The following TTC23 variants were observed in gnomAD, a reference collection of about 807,000 sequenced individuals.
TTC23 encodes the protein tetratricopeptide repeat domain 23, also known as tetratricopeptide repeat protein 23.
In TTC23, 58 loss-of-function variants were observed where a neutral mutation model predicts 55.1. The ratio of observed to expected loss-of-function variants is 1.05; its 90% CI spans 0.85 to 1.31. The LOEUF is 1.31. Ranked by LOEUF, TTC23 falls within the 50% of genes most tolerant of loss-of-function variation. TTC23 has a pLI of 0.00. For missense variants in TTC23, 516 were observed against 534.4 expected (o/e 0.97, Z 0.34); for synonymous variants, 203 against 199.9 (o/e 1.02, Z -0.13).
At chr15:99,166,229 C>G (rs1476576994) in intron 10 of TTC23, among the ~76,000 whole-genome samples, 2 of 152,194 alleles carry the variant, frequency 1.3e-5, no homozygotes, top group African/African-American at 4.8e-5. Flanking sequence ...ACAGCCGCAC[C>G]TCACATCTTT....
intron 5 of TTC23, among the ~76,000 whole-genome samples, chr15:99,228,069 C>A (rs188397125): frequency 6.6e-6 from 1 of 152,354 alleles, no homozygotes; most frequent in Non-Finnish European, 1.5e-5. Flanking sequence ...TACATTGCAC[C>A]TGGCACATAT....
In TTC23 at chr15:99,139,336, C is replaced by T; in HGVS notation, c.1207G>A (p.Ala403Thr). ...ACTCACGTGGACAGCATGCCCATGG[C>T]CTGCTGGGTGGCCAGAGTCCTTTTG... ...QDKRTLATQQ[A>T]MGMLSTAPKV... The change falls in exon 13 of 14, where the codon GCC (alanine) becomes ACC (threonine). Residue 403 changes from alanine to threonine, a missense_variant. By Grantham distance (58) the Ala-to-Thr change is moderately conservative (BLOSUM62 0). Transcript: ENST00000394132. 1 of 1,613,474 alleles carries T rather than the reference C, an allele frequency of 6.2e-7. No homozygotes were observed. Among genetic ancestry groups the T allele is most frequent in the Non-Finnish European group, 8.5e-7 (1 of 1,180,004 alleles).
intron 10 of TTC23, among the ~76,000 whole-genome samples, chr15:99,166,210 C>T (rs1393773635): frequency 6.6e-6 from 1 of 152,332 alleles, no homozygotes; most frequent in Non-Finnish European, 1.5e-5. Flanking sequence ...CTCCCTGGCA[C>T]GGGTGGACAC....
intron 10 of TTC23, among the ~76,000 whole-genome samples, chr15:99,164,003 T>G: frequency 6.6e-6 from 1 of 152,162 alleles, no homozygotes; most frequent in East Asian, 1.9e-4. Flanking sequence ...GTTCCAGGTG[T>G]GGAATTAAGG....
intron 9 of TTC23, among the ~76,000 whole-genome samples, chr15:99,198,188 C>T (rs539540653): frequency 6.6e-6 from 1 of 152,250 alleles, no homozygotes; most frequent in Admixed American, 6.5e-5. Flanking sequence ...TATCTAACTG[C>T]CTATTGTCAT....
At chr15:99,174,717 A>G (rs528528415) in intron 10 of TTC23, among the ~76,000 whole-genome samples, 12 of 152,172 alleles carry the variant, frequency 7.9e-5, no homozygotes, top group Non-Finnish European at 5.9e-5. Context: ...CTGTTGCCAC[A>G]ACAATCTTTA....
At chr15:99,149,370 G>C (rs2069400226) in intron 12 of TTC23, among the ~76,000 whole-genome samples, 1 of 152,216 alleles carries the variant, frequency 6.6e-6, no homozygotes, top group Non-Finnish European at 1.5e-5. Flanking sequence ...TTGTTTTCAG[G>C]ACTGATGGTA....
intron 8 of TTC23, among the ~76,000 whole-genome samples, chr15:99,214,439 T>C (rs1487804071): frequency 1.5e-5 from 2 of 136,456 alleles, no homozygotes; most frequent in South Asian, 2.2e-4. Context: ...CCCGGGAAGG[T>C]AGAACTTGCA....
chr15:99,145,306 G>A (rs1332435019), intron 12 of TTC23: 4 of 152,240 alleles, frequency 2.6e-5, no homozygotes, highest in Non-Finnish European at 5.9e-5. Flanking sequence ...CTCTCAGGGG[G>A]CTTCTAATGG....
At chr15:99,185,657 A>G (rs1411648074) in intron 9 of TTC23, among the ~76,000 whole-genome samples, 1 of 152,166 alleles carries the variant, frequency 6.6e-6, no homozygotes, top group African/African-American at 2.4e-5. Flanking sequence ...TCACTCACAT[A>G]AGTAGAACCC....
intron 10 of TTC23, among the ~76,000 whole-genome samples, chr15:99,169,682 G>A (rs964475476): frequency 6.6e-6 from 1 of 152,186 alleles, no homozygotes; most frequent in African/African-American, 2.4e-5. Flanking sequence ...TAAAAAAGAG[G>A]AGACCTGGGT....
chr15:99,139,478 A>C, intron 12 of TTC23, 79 bp from the exon 13 acceptor site: 2 of 1,595,372 alleles, frequency 1.3e-6, no homozygotes, highest in South Asian at 2.3e-5. Context: ...CTTGAATGAG[A>C]GAAAGATGAC....
intron 3 of TTC23, among the ~76,000 whole-genome samples, chr15:99,240,544 T>C (rs748745864): frequency 3.9e-5 from 6 of 152,218 alleles, no homozygotes; most frequent in Non-Finnish European, 7.3e-5. Context: ...AATAATCAGC[T>C]AGGGAAGAGG....
At chr15:99,225,709 C>G (rs900189613) in intron 5 of TTC23, among the ~76,000 whole-genome samples, 2 of 152,198 alleles carry the variant, frequency 1.3e-5, no homozygotes, top group African/African-American at 2.4e-5. Context: ...AAGTCAGAGA[C>G]TGGCTATGTG....
intron 9 of TTC23, among the ~76,000 whole-genome samples, chr15:99,183,318 T>G (rs995670313): frequency 2.7e-5 from 4 of 149,512 alleles, no homozygotes; most frequent in Non-Finnish European, 5.9e-5. Flanking sequence ...AGAAATTTCT[T>G]TCTTTTCTTT....
chr15:99,171,550 T>A (rs993263727), intron 10 of TTC23, among the ~76,000 whole-genome samples: 1 of 146,288 alleles, frequency 6.8e-6, no homozygotes, highest in Non-Finnish European at 1.5e-5. Context: ...TGCTCCTGAG[T>A]CTCTCCGTCT....
chr15:99,238,714 T>C (rs950269848), intron 3 of TTC23, among the ~76,000 whole-genome samples: 3 of 152,252 alleles, frequency 2.0e-5, no homozygotes, highest in East Asian at 1.9e-4. Context: ...GTACATGCCA[T>C]TGAGGAGGGT....
intron 8 of TTC23, among the ~76,000 whole-genome samples, chr15:99,206,536 AG>A (rs2076642294): frequency 6.6e-6 from 1 of 152,146 alleles, no homozygotes; most frequent in Non-Finnish European, 1.5e-5. Flanking sequence ...CAACTGTAAC[AG>A]GTTTTATGTG....
At chr15:99,154,574 C>T (rs1369759326) in intron 12 of TTC23, among the ~76,000 whole-genome samples, 1 of 152,026 alleles carries the variant, frequency 6.6e-6, no homozygotes, top group Non-Finnish European at 1.5e-5. Context: ...AATGCCAGTC[C>T]CTGGATCTTG....
Sources: gnomAD v4.1 joint callset for allele counts (sites outside exome capture counted in the v4.1 genomes callset) on GRCh38, gnomAD v4.1.1 for gene constraint, MANE v1.5 for transcripts, NCBI Gene and HGNC (gene_info 2026-07-23, HGNC 2026-07-21) for gene names.